Variants in ABCC9 observed in about 807,000 individuals in gnomAD.
ABCC9 encodes the protein ATP-binding cassette sub-family C member 9.
Under a neutral mutation model 188.3 loss-of-function variants are expected in ABCC9, and 95 were observed. That is an observed-to-expected ratio of 0.50 (90% confidence interval 0.43 to 0.60). The LOEUF (loss-of-function observed/expected upper bound fraction) is 0.60, where lower values mean the gene tolerates loss of function less well. Among genes scored for constraint, ABCC9 ranks in the 20% least tolerant of loss-of-function variants. The pLI is 0.00. For missense variants in ABCC9, 1,102 were observed against 1,876.3 expected (o/e 0.59, Z 7.62); for synonymous variants, 659 against 652.7 (o/e 1.01, Z -0.15).
chr12:21,938,849 GA>G (rs927214549), intron 2 of ABCC9, among the ~76,000 whole-genome samples: 1 of 151,814 alleles, frequency 6.6e-6, no homozygotes, highest in South Asian at 2.1e-4. Context: ...TGTGTAACTG[GA>G]AAAAAAATCT....
chr12:21,816,035 A>AGTTTTTTT (rs1942597765), intron 33 of ABCC9, 142 bp from the exon 34 acceptor site: 1 of 76,252 alleles, frequency 1.3e-5, no homozygotes, highest in African/African-American at 6.0e-5. Context: ...ACTATGTGGC[A>AGTTTTTTT]GTTTTTTTTT....
intron 25 of ABCC9, 111 bp downstream of exon 25, chr12:21,848,039 T>G: frequency 2.2e-6 from 2 of 895,134 alleles, no homozygotes; most frequent in South Asian, 2.8e-5. Flanking sequence ...TGATTTAATT[T>G]TTTCCCCTGG....
At chr12:21,920,396 A>G (rs1948764016) in intron 5 of ABCC9, among the ~76,000 whole-genome samples, 1 of 152,118 alleles carries the variant, frequency 6.6e-6, no homozygotes, top group East Asian at 1.9e-4. Context: ...TAAGGCTGCA[A>G]GATACAAAGT....
intron 30 of ABCC9, among the ~76,000 whole-genome samples, chr12:21,833,798 A>G (rs1163000668): frequency 6.6e-6 from 1 of 152,130 alleles, no homozygotes; most frequent in Non-Finnish European, 1.5e-5. Flanking sequence ...GGCACTTAAC[A>G]TACTCCTGCT....
intron 17 of ABCC9, among the ~76,000 whole-genome samples, chr12:21,873,310 T>A (rs1946174996): frequency 6.6e-6 from 1 of 152,172 alleles, no homozygotes; most frequent in South Asian, 2.1e-4. Context: ...AGTATTGTTT[T>A]CTTAATTTGA....
chr12:21,819,863 T>G (rs1168887852), intron 31 of ABCC9, among the ~76,000 whole-genome samples: 1 of 152,182 alleles, frequency 6.6e-6, no homozygotes, highest in Non-Finnish European at 1.5e-5. Context: ...TTTGAGGCAA[T>G]AAATTCCACA....
chr12:21,799,272 GAAAA>G lies in ABCC9; in HGVS notation c.*1768_*1771del, dbSNP rs1338201083. The G allele has an allele frequency of 1.5e-5, 2 of 134,452 alleles. No individual in the cohort carries two copies. The highest frequency in any genetic ancestry group is 3.3e-5 in the Non-Finnish European group (2 of 61,048). 8.3% of individuals were successfully genotyped at this position (134,452 alleles called of 1,614,324 possible). On this transcript the variant is annotated 3_prime_UTR_variant, in exon 40 of 40. Coordinates refer to ENST00000261200, the MANE Select transcript of ABCC9 (RefSeq NM_020297.4). ...TAAAAAAAAAATTAAAAAAAAAAAAGAAAAAAAAAAGATTACTTCCATGGGTAAA... is the reference window on the plus strand; with the variant it reads ...TAAAAAAAAAATTAAAAAAAAAAAAGAAAAAAGATTACTTCCATGGGTAAA...
intron 18 of ABCC9, among the ~76,000 whole-genome samples, chr12:21,865,130 T>C (rs572229785): frequency 1.3e-5 from 2 of 152,298 alleles, no homozygotes; most frequent in East Asian, 3.9e-4. Context: ...TAATTTTTTA[T>C]AATTTAGGGT....
intron 2 of ABCC9, among the ~76,000 whole-genome samples, chr12:21,940,211 G>C (rs955628662): frequency 2.0e-5 from 3 of 152,112 alleles, no homozygotes; most frequent in African/African-American, 7.2e-5. Context: ...TAAAATGCTG[G>C]AAACACCTGG....
chr12:21,805,989 C>T lies in ABCC9; in HGVS notation c.4512+9G>A. On this transcript the variant is annotated intron_variant, in intron 39 of 39. Coordinates refer to ENST00000261200, the MANE Select transcript of ABCC9 (RefSeq NM_020297.4). ...AAGAGGTATACCAACTCCGTCTTCT[C>T]ATACTTACAGCTATTGTCACCACGG... The T allele has an allele frequency of 1.9e-6, 3 of 1,613,646 alleles. No homozygotes were observed. The highest frequency in any genetic ancestry group is 2.5e-6 in the Non-Finnish European group (3 of 1,179,710).
chr12:21,937,524 G>C (rs760522773), intron 2 of ABCC9, among the ~76,000 whole-genome samples: 30 of 152,262 alleles, frequency 2.0e-4, no homozygotes, highest in Non-Finnish European at 3.8e-4. Context: ...GGGCAGAGGA[G>C]TGACGTGCTC....
chr12:21,830,553 A>T (rs1943696136), intron 30 of ABCC9, among the ~76,000 whole-genome samples: 1 of 152,228 alleles, frequency 6.6e-6, no homozygotes, highest in Non-Finnish European at 1.5e-5. Flanking sequence ...ATAAATCATC[A>T]TATGTCAAAG....
At chr12:21,890,304 C>T (rs935174489) in intron 14 of ABCC9, among the ~76,000 whole-genome samples, 1 of 152,130 alleles carries the variant, frequency 6.6e-6, no homozygotes, top group Admixed American at 6.6e-5. Context: ...GCATCTTTAG[C>T]ATCGTCTAAA....
At position 21,872,866 on chromosome 12, in the gene ABCC9, C is replaced by G. The variant is rs1380780404; in HGVS notation, c.2093-136G>C. The stretch of plus-strand genomic sequence containing the variant: ...ATCTCCAGCAGTAAGGTATTCTAAA[C>G]AGCTCCTTTCTCTGATAAGTCTTTT... On this transcript the variant is annotated intron_variant, in intron 17 of 39. Coordinates refer to ENST00000261200, the MANE Select transcript of ABCC9 (RefSeq NM_020297.4). 8.8e-6 allele frequency: 6 copies of G among 678,718 alleles called. No homozygotes were observed. In the East Asian group the frequency reaches 1.6e-4, roughly 18 times the overall value. 42.0% of individuals were successfully genotyped at this position (678,718 alleles called of 1,614,324 possible).
chr12:21,899,329 G>A (rs906106866), intron 12 of ABCC9, among the ~76,000 whole-genome samples: 3 of 152,206 alleles, frequency 2.0e-5, no homozygotes, highest in East Asian at 1.9e-4. Context: ...TGATTTCGAG[G>A]GGGTTGCAAG....
intron 16 of ABCC9, 30 bp downstream of exon 16, chr12:21,882,736 T>C (rs767967806): frequency 6.5e-7 from 1 of 1,532,230 alleles, no homozygotes; most frequent in South Asian, 1.1e-5. Context: ...ATGTTTCTAT[T>C]CATGTAAGAA....
Position 21,875,690 on chromosome 12 carries a change from C to T in ABCC9, c.2056G>A (p.Ala686Thr), listed in dbSNP as rs1946306380. The change falls in exon 17 of 40, where the codon GCT becomes ACT. Residue 686 changes from alanine (A) to threonine (T), a missense_variant. Ala to Thr is a moderately conservative substitution (Grantham distance 58). Transcript: ENST00000261200. ...NGYFSWGSGL[A>T]TLSNIDIRIP... is the part of the protein sequence containing the mutation. ...CGAATATCTATATTGGATAATGTAG[C>T]TAAACCACTGCCCCATGAAAAGTAT... 6.2e-7 allele frequency: 1 copy of T among 1,612,900 alleles called. No individual in the cohort carries two copies. Among genetic ancestry groups the T allele is most frequent in the Non-Finnish European group, 8.5e-7 (1 of 1,178,994 alleles).
Position 21,863,070 on chromosome 12 carries a change from G to GAA in ABCC9, c.2238-18_2238-17dup. ...CCTGTTCCTACTGAAAAATGAAAAA[G>GAA]AAAAAAAAAAACACCAGGATTATGC... On this transcript the variant is annotated splice_polypyrimidine_tract_variant and intron_variant, in intron 19 of 39. Coordinates refer to ENST00000261200, the MANE Select transcript of ABCC9 (RefSeq NM_020297.4). The GAA allele has an allele frequency of 8.9e-5, 116 of 1,297,868 alleles. No individual in the cohort carries two copies. Among genetic ancestry groups the GAA allele is most frequent in the South Asian group, 1.2e-4 (9 of 76,140 alleles). 80.4% of individuals were successfully genotyped at this position (1,297,868 alleles called of 1,614,324 possible).
rs117842455 is a variant in ABCC9, at chr12:21,879,091, C to A, written c.2020-3365G>T. 9.9e-5 allele frequency among the ~76,000 whole-genome samples: 15 copies of A among 152,268 alleles called. 1 individual carries two copies. In the East Asian group the frequency reaches 2.9e-3, roughly 29 times the overall value. ...TCACTAGGGGATAAGTAAAATGCAG[C>A]GACACATTCTACAAGATACAATGGT... On this transcript the variant is annotated intron_variant, in intron 16 of 39. Coordinates refer to ENST00000261200, the MANE Select transcript of ABCC9 (RefSeq NM_020297.4).
Sources: allele counts gnomAD v4.1 joint callset (sites outside exome capture counted in the v4.1 genomes callset), GRCh38; gene constraint gnomAD v4.1.1; transcripts MANE v1.5; gene names NCBI Gene and HGNC (gene_info 2026-07-23, HGNC 2026-07-21).